Variants in TENM3 observed in about 807,000 individuals in gnomAD.
TENM3 encodes the protein teneurin transmembrane protein 3.
Under a neutral mutation model 255.1 loss-of-function variants are expected in TENM3, and 63 were observed. The ratio of observed to expected loss-of-function variants is 0.25; its 90% CI spans 0.20 to 0.30. TENM3 has a LOEUF of 0.30. Ranked by LOEUF, TENM3 falls within the 10% of genes least tolerant of loss-of-function variation. TENM3 has a pLI of 1.00. For missense variants in TENM3, 2,929 were observed against 3,461.1 expected (o/e 0.85, Z 3.86); for synonymous variants, 1,306 against 1,322.3 (o/e 0.99, Z 0.27).
chr4:182,541,894 A>G (rs1740915675), intron 3 of TENM3, among the ~76,000 whole-genome samples: 1 of 151,932 alleles, frequency 6.6e-6, no homozygotes, highest in Non-Finnish European at 1.5e-5. Flanking sequence ...CCCCGTCTCT[A>G]CAAAACTTAA....
At position 182,682,098 on chromosome 4, in the gene TENM3, T is replaced by G. The variant is rs1302091164; in HGVS notation, c.2035+84T>G. 3 of 1,094,336 alleles carry G rather than the reference T, an allele frequency of 2.7e-6. No individual in the cohort carries two copies. The African/African-American group carries it at 4.7e-5, about 17-fold the overall frequency. 67.8% of individuals were successfully genotyped at this position (1,094,336 alleles called of 1,614,324 possible). On this transcript the variant is annotated intron_variant, in intron 11 of 27. Coordinates refer to ENST00000511685, the MANE Select transcript of TENM3 (RefSeq NM_001080477.4). ...ATTTTAATCTTTAAACCTCCCTTTT[T>G]AAACCTAATACAAATTTTAGTAAAG...
intron 3 of TENM3, among the ~76,000 whole-genome samples, chr4:182,381,625 G>T (rs528334178): frequency 7.2e-6 from 1 of 139,100 alleles, no homozygotes; most frequent in Admixed American, 8.3e-5. Context: ...GTGTGATCTC[G>T]ATCTCGGCTC....
chr4:182,245,949 T>C (rs1757613346), intron 1 of TENM3, among the ~76,000 whole-genome samples: 1 of 152,184 alleles, frequency 6.6e-6, no homozygotes, highest in Non-Finnish European at 1.5e-5. Context: ...TAACATTTTA[T>C]TGGCGGGCGC....
intron 2 of TENM3, among the ~76,000 whole-genome samples, chr4:182,332,347 T>C (rs1438743703): frequency 1.3e-5 from 2 of 152,204 alleles, no homozygotes; most frequent in African/African-American, 4.8e-5. Flanking sequence ...GAAAACATTG[T>C]GAAGAAATCA....
the TENM3 span, among the ~76,000 whole-genome samples, chr4:181,641,554 G>GTGTGTATATATATA: frequency 7.4e-5 from 2 of 26,910 alleles, no homozygotes; most frequent in African/African-American, 3.1e-4. Flanking sequence ...TGGTGTGTGT[G>GTGTGTATATATATA]TATATATATA....
chr4:181,838,846 A>G, the TENM3 span, among the ~76,000 whole-genome samples: 5 of 151,126 alleles, frequency 3.3e-5, no homozygotes, highest in East Asian at 9.7e-4. Context: ...GGCTTTATTG[A>G]TTCTCTCCTT....
chr4:182,731,968 AG>A (rs1760784498), intron 16 of TENM3, among the ~76,000 whole-genome samples: 1 of 151,740 alleles, frequency 6.6e-6, no homozygotes, highest in Non-Finnish European at 1.5e-5. Flanking sequence ...TTTTTAGTAG[AG>A]GCAGGGTTTC....
chr4:182,104,702 C>T, the TENM3 span, among the ~76,000 whole-genome samples: 472 of 151,710 alleles, frequency 3.1e-3, no homozygotes, highest in African/African-American at 0.01. Flanking sequence ...TTAGTAGAGA[C>T]GGGGTTTCAC....
At chr4:182,272,486 G>A (rs1205111381) in intron 1 of TENM3, among the ~76,000 whole-genome samples, 1 of 152,168 alleles carries the variant, frequency 6.6e-6, no homozygotes, top group Admixed American at 6.5e-5. Context: ...ACGCCAAGCT[G>A]ACCCTCTGAG....
At chr4:181,936,962 G>A in the TENM3 span, among the ~76,000 whole-genome samples, 16 of 152,316 alleles carry the variant, frequency 1.1e-4, no homozygotes, top group African/African-American at 3.8e-4. Context: ...GCACTGTGAA[G>A]AAAGCAAGCA....
the TENM3 span, among the ~76,000 whole-genome samples, chr4:182,066,590 T>TA: frequency 3.8e-3 from 517 of 136,312 alleles, 3 homozygotes; most frequent in African/African-American, 0.013. Context: ...AGAATTATGG[T>TA]AAAAAAAAAA....
chr4:181,892,001 G>A, the TENM3 span, among the ~76,000 whole-genome samples: 1 of 152,196 alleles, frequency 6.6e-6, no homozygotes, highest in African/African-American at 2.4e-5. Context: ...GTTCTGCCAT[G>A]TGAGGACATA....
At chr4:182,684,712 A>G (rs1346516537) in intron 11 of TENM3, among the ~76,000 whole-genome samples, 1 of 152,136 alleles carries the variant, frequency 6.6e-6, no homozygotes, top group Non-Finnish European at 1.5e-5. Context: ...CTAAAGGCTA[A>G]TTGTAGTTCG....
intron 3 of TENM3, among the ~76,000 whole-genome samples, chr4:182,412,234 A>G (rs1422055355): frequency 6.6e-6 from 1 of 152,110 alleles, no homozygotes; most frequent in Non-Finnish European, 1.5e-5. Context: ...TGGAGACTGG[A>G]TGTGTAATAC....
At chr4:182,681,452 A>G (rs1327259106) in intron 10 of TENM3, among the ~76,000 whole-genome samples, 1 of 152,194 alleles carries the variant, frequency 6.6e-6, no homozygotes, top group Non-Finnish European at 1.5e-5. Flanking sequence ...CAGTGTGAGG[A>G]TCCCATACAG....
chr4:182,594,874 C>T (rs762994847), intron 3 of TENM3, among the ~76,000 whole-genome samples: 4 of 151,894 alleles, frequency 2.6e-5, no homozygotes, highest in African/African-American at 4.8e-5. Flanking sequence ...CACGTGCCAC[C>T]GCGCCCAGCT....
At chr4:182,137,546 A>T in the TENM3 span, among the ~76,000 whole-genome samples, 2 of 152,178 alleles carry the variant, frequency 1.3e-5, no homozygotes, top group Admixed American at 6.5e-5. Flanking sequence ...TCATCTCAGC[A>T]TGAGGTCAGA....
At chr4:182,621,767 T>A (rs1322740437) in intron 4 of TENM3, among the ~76,000 whole-genome samples, 1 of 80,312 alleles carries the variant, frequency 1.2e-5, no homozygotes, top group Non-Finnish European at 2.4e-5. Context: ...ATATAATAAT[T>A]ATATATTATA....
At chr4:182,731,812 C>A (rs10034247) in intron 16 of TENM3, among the ~76,000 whole-genome samples, 17,308 of 146,402 alleles carry the variant, frequency 0.12, 1,172 homozygotes, top group Non-Finnish European at 0.16. Context: ...GACGGAGTCT[C>A]GCTCTGTCGC....
Sources: gnomAD v4.1 joint callset for allele counts (sites outside exome capture counted in the v4.1 genomes callset) on GRCh38, gnomAD v4.1.1 for gene constraint, MANE v1.5 for transcripts, NCBI Gene and HGNC (gene_info 2026-07-23, HGNC 2026-07-21) for gene names.